Variants in RGS12 observed in about 807,000 individuals in gnomAD.
The protein encoded by RGS12 is regulator of G-protein signaling 12.
RGS12 carries 66 observed loss-of-function variants against 120.1 expected under a neutral mutation model. The ratio of observed to expected loss-of-function variants is 0.55; its 90% CI spans 0.45 to 0.67. The LOEUF (loss-of-function observed/expected upper bound fraction) is 0.67. Among genes scored for constraint, RGS12 ranks in the 30% least tolerant of loss-of-function variants. RGS12 has a pLI of 0.00. For missense variants in RGS12, 1,859 were observed against 1,957.7 expected, an observed-to-expected ratio of 0.95 and a Z score of 0.95; for synonymous variants, 827 against 804.7, an observed-to-expected ratio of 1.03 and a Z score of -0.47.
upstream of RGS12, among the ~76,000 whole-genome samples, chr4:3,289,392 C>T (rs372221117): frequency 5.3e-5 from 8 of 152,020 alleles, no homozygotes; most frequent in Admixed American, 1.3e-4. Flanking sequence ...TTGGTAGAGA[C>T]GGGGTTTCAC....
intron 3 of RGS12, chr4:3,370,188 A>G: frequency 6.3e-7 from 1 of 1,584,182 alleles, no homozygotes; most frequent in South Asian, 1.1e-5. Flanking sequence ...AATGCCTTTA[A>G]ACTTTTCTCA....
rs149686018 is a variant in RGS12, at chr4:3,427,038, G to A, written c.3332-1052G>A. Among the ~76,000 whole-genome samples the A allele has an allele frequency of 3.4e-3, 511 of 152,274 alleles. 4 individuals are homozygous for A. Among genetic ancestry groups the A allele is most frequent in the Non-Finnish European group, 3.5e-3 (241 of 68,006 alleles). ...CCATGGGTCCCAGTCAGAAGCAAGC[G>A]CTGAGGCCATTAGTCCTGGAGCTCC... is the stretch of plus-strand genomic sequence containing the variant. On this transcript the variant is annotated intron_variant, in intron 14 of 17. Transcript: ENST00000336727.
chr4:3,353,213 C>T (rs146093777), intron 3 of RGS12, among the ~76,000 whole-genome samples: 6 of 152,272 alleles, frequency 3.9e-5, no homozygotes, highest in African/African-American at 4.8e-5. Context: ...GGAGGGTTAA[C>T]GAGGCCTGGG....
In RGS12 at chr4:3,296,642, C is replaced by T. The variant is rs370791363; in HGVS notation, c.-102+3543C>T. 7.2e-5 allele frequency among the ~76,000 whole-genome samples: 11 copies of T among 152,258 alleles called. No individual in the cohort carries two copies. The East Asian group carries it at 7.7e-4, about 11-fold the overall frequency. The stretch of plus-strand genomic sequence containing the variant: ...TCTTTGGGGATCGCTATTCAGCCTA[C>T]AGCAGGCTCCTCACTTGTCTTCGAA... On this transcript the variant is annotated intron_variant, in intron 1 of 17. Transcript: ENST00000336727.
intron 3 of RGS12, among the ~76,000 whole-genome samples, chr4:3,357,792 C>T (rs1254117303): frequency 6.6e-6 from 1 of 152,086 alleles, no homozygotes; most frequent in Non-Finnish European, 1.5e-5. Context: ...AGTACAAGTC[C>T]TCTAGCTTTG....
chr4:3,368,874 G>C (rs375460443), intron 3 of RGS12, among the ~76,000 whole-genome samples: 1 of 152,048 alleles, frequency 6.6e-6, no homozygotes, highest in Non-Finnish European at 1.5e-5. Context: ...TACGTGCTCC[G>C]CCTTCTGTCA....
intron 1 of RGS12, among the ~76,000 whole-genome samples, chr4:3,309,786 G>A (rs1196748489): frequency 1.4e-5 from 2 of 139,430 alleles, no homozygotes; most frequent in Non-Finnish European, 3.1e-5. Context: ...GCAGGTGTCT[G>A]CTGAGGGGAA....
In RGS12 at chr4:3,438,200, G is replaced by A. The variant is rs965100396; in HGVS notation, c.4115-1255G>A. ...CTGGGGCTCCTGCCACCCCATAGGC[G>A]CCTCAAGGCCTCCACCCTGGCATGG... On this transcript the variant is annotated intron_variant, in intron 17 of 17. Transcript: ENST00000336727. Among the ~76,000 whole-genome samples, 6 of 152,256 alleles carry A rather than the reference G, an allele frequency of 3.9e-5. No homozygotes were observed. In the South Asian group the frequency reaches 1.2e-3, roughly 32 times the overall value.
In RGS12 at chr4:3,430,519, C is replaced by G; in HGVS notation, c.3678C>G (p.Ser1226=). 1 of 1,613,576 alleles carries G rather than the reference C, an allele frequency of 6.2e-7. No homozygotes were observed. The highest frequency in any genetic ancestry group is 1.1e-5 in the South Asian group (1 of 91,086). The change falls in exon 17 of 18, where the codon TCC becomes TCG. Residue 1226 remains serine, a synonymous_variant. Transcript: ENST00000336727. ...LPEFLRLPPG[S]TELTLPTPAA... is the part of the protein sequence containing the mutation. Reference sequence around the variant, plus strand: ...AGTTCCTCCGTTTACCTCCTGGTTCCACAGAACTCACCCTCCCCACTCCAG... The same window carrying G: ...AGTTCCTCCGTTTACCTCCTGGTTCGACAGAACTCACCCTCCCCACTCCAG...
rs1415666366 is a variant in RGS12, at chr4:3,390,656, G to C, written c.2020+4219G>C. Reference sequence around the variant, plus strand: ...GCCTTTGGAGCTCAGACCTGGCCATGGCGGAAGATTCGGGCTCCACCTGCA... The same window carrying C: ...GCCTTTGGAGCTCAGACCTGGCCATCGCGGAAGATTCGGGCTCCACCTGCA... On this transcript the variant is annotated intron_variant, in intron 4 of 17. Coordinates refer to ENST00000336727, the MANE Select transcript of RGS12 (RefSeq NM_001394154.1). This position sits in a 1 kb window ranked among gnomAD's most constrained non-coding sequence, Gnocchi z 4.6. 6.6e-6 allele frequency among the ~76,000 whole-genome samples: 1 copy of C among 152,226 alleles called. No homozygotes were observed. The highest frequency in any genetic ancestry group is 1.5e-5 in the Non-Finnish European group (1 of 68,044).
chr4:3,369,879 A>G lies in RGS12; in HGVS notation c.1999-16537A>G, dbSNP rs1219699283. On this transcript the variant is annotated intron_variant, in intron 3 of 17. Transcript: ENST00000336727. The stretch of plus-strand genomic sequence containing the variant: ...AGTAAGCTGGTGCATGTGGAGGCTT[A>G]GAATAGATTCATTGGCAGCTGTAAT... 2.3e-5 allele frequency: 8 copies of G among 344,546 alleles called. No individual in the cohort carries two copies. In the East Asian group the frequency reaches 1.1e-3, roughly 46 times the overall value. 21.3% of individuals were successfully genotyped at this position (344,546 alleles called of 1,614,324 possible).
intron 2 of RGS12, among the ~76,000 whole-genome samples, chr4:3,319,064 A>G (rs1725010006): frequency 6.6e-6 from 1 of 151,802 alleles, no homozygotes; most frequent in Non-Finnish European, 1.5e-5. Context: ...GTGTTTGATG[A>G]ATATTTCTAC....
chr4:3,301,958 G>A (rs1236947271), intron 1 of RGS12, among the ~76,000 whole-genome samples: 1 of 151,184 alleles, frequency 6.6e-6, no homozygotes, highest in African/African-American at 2.4e-5. Context: ...AAGTTGTCAT[G>A]TATCTGAGAT....
intron 1 of RGS12, among the ~76,000 whole-genome samples, chr4:3,304,647 T>C (rs1723874261): frequency 6.6e-6 from 1 of 152,260 alleles, no homozygotes; most frequent in Non-Finnish European, 1.5e-5. Flanking sequence ...TTTAGCCGCT[T>C]TTCCCCATTC....
chr4:3,291,924 C>G (rs1332493817), upstream of RGS12, among the ~76,000 whole-genome samples: 1 of 152,204 alleles, frequency 6.6e-6, no homozygotes, highest in Non-Finnish European at 1.5e-5. Flanking sequence ...CCATTGGTTT[C>G]CTCCTGGGAT....
chr4:3,363,397 C>T lies in RGS12; in HGVS notation c.1998+20344C>T, dbSNP rs373221015. On this transcript the variant is annotated intron_variant, in intron 3 of 17. Transcript: ENST00000336727. ...ATCCTGTTTCAGCTTGGCTCATGCTCTGTTTCTTTGACGTTCGTTTTGGGC... is the reference window on the plus strand; with the variant it reads ...ATCCTGTTTCAGCTTGGCTCATGCTTTGTTTCTTTGACGTTCGTTTTGGGC... 1.8e-4 allele frequency among the ~76,000 whole-genome samples: 27 copies of T among 152,208 alleles called. 1 individual carries two copies. The highest frequency in any genetic ancestry group is 6.0e-4 in the African/African-American group (25 of 41,518).
intron 1 of RGS12, among the ~76,000 whole-genome samples, chr4:3,309,870 C>T (rs867986607): frequency 6.9e-5 from 7 of 101,652 alleles, no homozygotes; most frequent in Non-Finnish European, 1.2e-4. Context: ...GAGCTGGGAT[C>T]CGGGAATGGC....
At chr4:3,326,808 G>A (rs914180587) in intron 2 of RGS12, among the ~76,000 whole-genome samples, 1 of 152,198 alleles carries the variant, frequency 6.6e-6, no homozygotes, top group African/African-American at 2.4e-5. Context: ...GAGAGAAATT[G>A]CAGATGACAC....
Position 3,309,608 on chromosome 4 carries a change from C to T in RGS12, c.-101-6462C>T, listed in dbSNP as rs1378707308. On this transcript the variant is annotated intron_variant, in intron 1 of 17. Transcript: ENST00000336727. ...AACTGTGTTGAGGAGGAGCTGGGACCTGGGAATGGCAGGTGTCCGCTGAGG... is the reference window on the plus strand; with the variant it reads ...AACTGTGTTGAGGAGGAGCTGGGACTTGGGAATGGCAGGTGTCCGCTGAGG... Among the ~76,000 whole-genome samples, 414 of 76,870 alleles carry T rather than the reference C, an allele frequency of 5.4e-3. 2 individuals are homozygous for T. The highest frequency in any genetic ancestry group is 7.2e-3 in the Non-Finnish European group (302 of 41,762). The allele number at this position is 76,870 out of a possible 152,430, so 50.4% of individuals were successfully genotyped here.
Sources: allele counts gnomAD v4.1 joint callset (sites outside exome capture counted in the v4.1 genomes callset), GRCh38; gene constraint gnomAD v4.1.1; non-coding constraint Gnocchi (gnomAD v3.1); transcripts MANE v1.5; gene names NCBI Gene and HGNC (gene_info 2026-07-23, HGNC 2026-07-21).